Variants in ARHGEF3 observed in about 807,000 individuals in gnomAD.
ARHGEF3 encodes Rho guanine nucleotide exchange factor 3, also known as 59.8 kDA protein.
Under a neutral mutation model 63.2 loss-of-function variants are expected in ARHGEF3, and 28 were observed. The observed-to-expected ratio is 0.44, with a 90% CI of 0.33 to 0.61. The LOEUF (loss-of-function observed/expected upper bound fraction) is 0.61, where lower values mean the gene tolerates loss of function less well. Among genes scored for constraint, ARHGEF3 ranks in the 20% least tolerant of loss-of-function variants. The pLI, the probability that ARHGEF3 is intolerant of heterozygous loss-of-function variation, is 0.03. For synonymous variants in ARHGEF3, 266 were observed against 254.2 expected (o/e 1.05, Z -0.44); for missense variants, 533 against 659.3 (o/e 0.81, Z 2.10).
chr3:56,859,239 G>T (rs563345936), intron 4 of ARHGEF3, among the ~76,000 whole-genome samples: 1 of 151,976 alleles, frequency 6.6e-6, no homozygotes, highest in African/African-American at 2.4e-5. Flanking sequence ...CCGGGTTCAC[G>T]CCAATCTCCT....
chr3:56,939,682 T>C (rs1415355454), intron 3 of ARHGEF3: 1 of 151,990 alleles, frequency 6.6e-6, no homozygotes, highest in African/African-American at 2.4e-5. Flanking sequence ...ATTGTCCAGG[T>C]TGAAAAAAAA....
In ARHGEF3 at chr3:56,876,313, T is replaced by A. The variant is rs79162609; in HGVS notation, c.192+5979A>T. ...AAATTTACACTTGGAAAGATGTCCC[T>A]GGCTGATACATGGAGGGCAGACTAC... On this transcript the variant is annotated intron_variant, in intron 4 of 12. Coordinates refer to the ARHGEF3 transcript ENST00000338458. Among the ~76,000 whole-genome samples the A allele has an allele frequency of 5.4e-3, 820 of 152,250 alleles. 9 individuals carry two copies. Among genetic ancestry groups the A allele is most frequent in the African/African-American group, 0.018 (742 of 41,554 alleles).
intron 7 of ARHGEF3, among the ~76,000 whole-genome samples, chr3:56,738,685 G>A (rs78458504): frequency 0.018 from 2,697 of 152,250 alleles, 84 homozygotes; most frequent in African/African-American, 0.061. Flanking sequence ...TACTGCCTGA[G>A]ATGTAGTCAG....
chr3:57,036,147 T>A (rs1703954977), intron 1 of ARHGEF3, among the ~76,000 whole-genome samples: 1 of 152,136 alleles, frequency 6.6e-6, no homozygotes, highest in African/African-American at 2.4e-5. Flanking sequence ...TGGTGCATAG[T>A]AAGTACTCAA....
chr3:57,071,626 C>T (rs1017644005), intron 1 of ARHGEF3, among the ~76,000 whole-genome samples: 1 of 150,072 alleles, frequency 6.7e-6, no homozygotes, highest in African/African-American at 2.5e-5. Context: ...TGCCACTATA[C>T]TCCAGCCTGG....
chr3:56,808,433 T>C (rs1047617567), intron 4 of ARHGEF3, among the ~76,000 whole-genome samples: 3 of 151,812 alleles, frequency 2.0e-5, no homozygotes, highest in Admixed American at 6.6e-5. Flanking sequence ...AAAAGAAATA[T>C]CCGAAAAGTA....
intron 4 of ARHGEF3, among the ~76,000 whole-genome samples, chr3:56,843,965 T>C (rs2039402080): frequency 1.3e-5 from 2 of 152,176 alleles, no homozygotes; most frequent in African/African-American, 4.8e-5. Flanking sequence ...CTGTATGGCC[T>C]TGGACTCATT....
At chr3:56,915,659 T>G (rs761299792) in intron 3 of ARHGEF3, among the ~76,000 whole-genome samples, 18 of 152,148 alleles carry the variant, frequency 1.2e-4, no homozygotes. Context: ...AAAAACGATG[T>G]TCTTAATGAG....
chr3:57,047,457 T>A (rs1261976129), intron 1 of ARHGEF3, among the ~76,000 whole-genome samples: 1 of 152,204 alleles, frequency 6.6e-6, no homozygotes, highest in African/African-American at 2.4e-5. Context: ...CCTCTGCTAC[T>A]TAGCAGCTAT....
intron 2 of ARHGEF3, among the ~76,000 whole-genome samples, chr3:57,019,411 C>T (rs898744443): frequency 2.6e-5 from 4 of 151,700 alleles, no homozygotes; most frequent in African/African-American, 2.4e-5. Flanking sequence ...TTCTCAGCCT[C>T]GGTGTGTTCC....
At chr3:56,942,587 T>G (rs1017571175) in intron 3 of ARHGEF3, among the ~76,000 whole-genome samples, 7 of 152,160 alleles carry the variant, frequency 4.6e-5, no homozygotes, top group African/African-American at 1.4e-4. Context: ...AACCCTAGAA[T>G]GGTCTCTAAG....
At chr3:56,967,816 ATATAATATAATATATATTAATTATAT>A (rs1700632659) in intron 2 of ARHGEF3, among the ~76,000 whole-genome samples, 2 of 68,808 alleles carry the variant, frequency 2.9e-5, no homozygotes, top group South Asian at 8.8e-4. Flanking sequence ...AATATATATT[ATATAATATAATATATATTAATTATAT>A]TATTATATAA....
rs200217901 is a variant in ARHGEF3, at chr3:57,024,451, C to CA, written c.62+10636dup. Among the ~76,000 whole-genome samples, 1,114 of 150,812 alleles carry CA rather than the reference C, an allele frequency of 7.4e-3. 19 individuals carry two copies. Among genetic ancestry groups the CA allele is most frequent in the African/African-American group, 0.025 (1,043 of 41,160 alleles). On this transcript the variant is annotated intron_variant, in intron 2 of 12. Coordinates refer to the ARHGEF3 transcript ENST00000338458. Reference sequence around the variant, plus strand: ...TATATGGCTTATTTCTGTAATAAAACAAAAAAAAATCCACTTTGTGTAGGG... The same window carrying CA: ...TATATGGCTTATTTCTGTAATAAAACAAAAAAAAAATCCACTTTGTGTAGGG...
At chr3:56,751,762 C>T (rs570251965) in intron 4 of ARHGEF3, among the ~76,000 whole-genome samples, 1 of 152,238 alleles carries the variant, frequency 6.6e-6, no homozygotes, top group Non-Finnish European at 1.5e-5. Context: ...TAGCTACTAG[C>T]AGATTCTTTT....
rs573207966 is a variant in ARHGEF3 at position 57,033,875 on chromosome 3, T to C, written c.62+1213A>G. ...GCCTGGCCAACATAGTGAAACTTCA[T>C]CTCTACTAAAAATACAAAAATTAGC... On this transcript the variant is annotated intron_variant, in intron 2 of 12. Coordinates refer to the ARHGEF3 transcript ENST00000338458. 1.4e-4 allele frequency among the ~76,000 whole-genome samples: 22 copies of C among 152,078 alleles called. No homozygotes were observed. The South Asian group carries it at 4.2e-3, about 29-fold the overall frequency.
At position 56,794,256 on chromosome 3, in the gene ARHGEF3, G is replaced by C. The variant is rs535978255; in HGVS notation, c.96+7447C>G. Among the ~76,000 whole-genome samples the C allele has an allele frequency of 2.6e-5, 4 of 152,220 alleles. No homozygotes were observed. In the East Asian group the frequency reaches 7.7e-4, roughly 29 times the overall value. On this transcript the variant is annotated intron_variant, in intron 1 of 9. Coordinates refer to ENST00000296315, the MANE Select transcript of ARHGEF3 (RefSeq NM_019555.3). ...TAATCCTATCACTTTGGGAGGCCGA[G>C]GGGGGTGGATTATCTCAGGTCAGGA...
intron 1 of ARHGEF3, among the ~76,000 whole-genome samples, chr3:56,776,946 A>T (rs2036313865): frequency 6.6e-6 from 1 of 152,146 alleles, no homozygotes; most frequent in South Asian, 2.1e-4. Context: ...AAAAAAAGAC[A>T]CTGAGCATTC....
At chr3:56,814,336 T>C (rs751654889) in intron 4 of ARHGEF3, among the ~76,000 whole-genome samples, 1 of 152,154 alleles carries the variant, frequency 6.6e-6, no homozygotes, top group African/African-American at 2.4e-5. Context: ...ATTGTTAGTG[T>C]TAGTGTATTT....
chr3:56,773,598 A>C, intron 2 of ARHGEF3, 111 bp downstream of exon 2: 1 of 894,500 alleles, frequency 1.1e-6, no homozygotes, highest in Non-Finnish European at 1.6e-6. Flanking sequence ...TATTGAAATA[A>C]GCATTGATTC....
Sources: allele counts gnomAD v4.1 joint callset (sites outside exome capture counted in the v4.1 genomes callset), GRCh38; gene constraint gnomAD v4.1.1; transcripts MANE v1.5; gene names NCBI Gene and HGNC (gene_info 2026-07-23, HGNC 2026-07-21).